The following OTUD3 variants were observed in gnomAD, a reference collection of about 807,000 sequenced individuals.
The protein encoded by OTUD3 is OTU domain-containing protein 3.
Under a neutral mutation model 46.2 loss-of-function variants are expected in OTUD3, and 24 were observed. The ratio of observed to expected loss-of-function variants is 0.52; its 90% CI spans 0.38 to 0.73. OTUD3 has a LOEUF of 0.73. Ranked by LOEUF, OTUD3 falls within the 30% of genes least tolerant of loss-of-function variation. The pLI is 0.00. For missense variants in OTUD3, 455 were observed against 523.3 expected (o/e 0.87, Z 1.27); for synonymous variants, 189 against 195.4 (o/e 0.97, Z 0.27).
intron 3 of OTUD3, among the ~76,000 whole-genome samples, chr1:19,895,510 A>G (rs1483433538): frequency 6.6e-6 from 1 of 152,202 alleles, no homozygotes; most frequent in East Asian, 1.9e-4. Flanking sequence ...CCTTTCCAGA[A>G]TGTCATATTA....
Position 19,908,929 on chromosome 1 carries a change from T to C in OTUD3, c.*1183T>C, listed in dbSNP as rs924290822. On this transcript the variant is annotated 3_prime_UTR_variant, in exon 8 of 8. Coordinates refer to ENST00000375120, the MANE Select transcript of OTUD3 (RefSeq NM_015207.2). ...GACCAGCAGAGAAGAGAACATACTTTGGTTGAGGCCTTCGAATCACTCTTC... is the reference window on the plus strand; with the variant it reads ...GACCAGCAGAGAAGAGAACATACTTCGGTTGAGGCCTTCGAATCACTCTTC... 60 of 152,382 alleles carry C rather than the reference T, an allele frequency of 3.9e-4. No individual in the cohort carries two copies. The highest frequency in any genetic ancestry group is 1.4e-3 in the African/African-American group (56 of 41,464). The allele number at this position is 152,382 out of a possible 1,614,324, so 9.4% of individuals were successfully genotyped here.
intron 2 of OTUD3, among the ~76,000 whole-genome samples, chr1:19,891,720 G>A (rs2045448934): frequency 6.6e-6 from 1 of 151,620 alleles, no homozygotes; most frequent in African/African-American, 2.4e-5. Flanking sequence ...TGGGAGAAAA[G>A]GTATCAGTGA....
chr1:19,906,417 G>A lies in OTUD3; in HGVS notation c.836-15G>A, dbSNP rs750327121. 3 of 1,611,758 alleles carry A rather than the reference G, an allele frequency of 1.9e-6. No homozygotes were observed. The highest frequency in any genetic ancestry group is 4.5e-5 in the East Asian group (2 of 44,846). ...CTCAGGTTCTCAGTTTTAATGAAAT[G>A]TCTTTCTTTGGAAGATGCAGAAGAG... is the stretch of plus-strand genomic sequence containing the variant. On this transcript the variant is annotated splice_polypyrimidine_tract_variant and intron_variant, in intron 6 of 7. Transcript: ENST00000375120.
rs1246562560 is a variant in OTUD3 at position 19,911,960 on chromosome 1, G to A, written c.*4214G>A. ...TCAGGCTCTGACCTATGTCTTTGAAGCAGCTGCTTTGTAGAGTCCCTCTCT... is the reference window on the plus strand; with the variant it reads ...TCAGGCTCTGACCTATGTCTTTGAAACAGCTGCTTTGTAGAGTCCCTCTCT... On this transcript the variant is annotated 3_prime_UTR_variant, in exon 8 of 8. Coordinates refer to ENST00000375120, the MANE Select transcript of OTUD3 (RefSeq NM_015207.2). The A allele has an allele frequency of 6.6e-6, 1 of 152,350 alleles. No homozygotes were observed. Among genetic ancestry groups the A allele is most frequent in the African/African-American group, 2.4e-5 (1 of 41,448 alleles). The allele number at this position is 152,350 out of a possible 1,614,324, so 9.4% of individuals were successfully genotyped here. A position where few individuals can be genotyped will look rare whatever the true frequency, so the allele number is the denominator to read the frequency against.
In OTUD3 at chr1:19,908,263, A is replaced by G. The variant is rs1404210648; in HGVS notation, c.*517A>G. On this transcript the variant is annotated 3_prime_UTR_variant, in exon 8 of 8. Coordinates refer to ENST00000375120, the MANE Select transcript of OTUD3 (RefSeq NM_015207.2). ...CTTTGATTTACTTCTAATCCAAGTT[A>G]CTCAGAAAATAATTCAGGAATTGTT... 1 of 152,396 alleles carries G rather than the reference A, an allele frequency of 6.6e-6. No individual in the cohort carries two copies. The highest frequency in any genetic ancestry group is 1.5e-5 in the Non-Finnish European group (1 of 68,064). 9.4% of individuals were successfully genotyped at this position (152,396 alleles called of 1,614,324 possible).
chr1:19,901,906 C>T (rs1197470327), intron 4 of OTUD3, among the ~76,000 whole-genome samples: 2 of 152,132 alleles, frequency 1.3e-5, no homozygotes, highest in East Asian at 1.9e-4. Context: ...TTTGTGCACC[C>T]ATTCATCTGT....
At chr1:19,906,395 A>G in intron 6 of OTUD3, 37 bp from the exon 7 acceptor site, 1 of 1,593,862 alleles carries the variant, frequency 6.3e-7, no homozygotes, top group Non-Finnish European at 8.6e-7. Context: ...TGTAACTCTC[A>G]GGTTCTCAGT....
intron 3 of OTUD3, among the ~76,000 whole-genome samples, chr1:19,895,995 T>C (rs1041054217): frequency 7.2e-5 from 11 of 152,310 alleles, no homozygotes; most frequent in African/African-American, 2.6e-4. Flanking sequence ...TTTTTGAATT[T>C]ATTTCTGTAG....
At chr1:19,892,478 A>G (rs764881015) in intron 2 of OTUD3, among the ~76,000 whole-genome samples, 1 of 152,148 alleles carries the variant, frequency 6.6e-6, no homozygotes, top group Non-Finnish European at 1.5e-5. Context: ...GGTTCACTAT[A>G]CTATTAAGGA....
Position 19,882,445 on chromosome 1 carries a change from A to G in OTUD3, c.-69A>G. On this transcript the variant is annotated 5_prime_UTR_variant, in exon 1 of 8. Coordinates refer to ENST00000375120, the MANE Select transcript of OTUD3 (RefSeq NM_015207.2). ...TTGCCCGCGCTGTTTTACCTTCCCA[A>G]CGCTTGAGGCGGACGCTGGGGGGTC... is the stretch of plus-strand genomic sequence containing the variant. 7.6e-7 allele frequency: 1 copy of G among 1,314,940 alleles called. No individual in the cohort carries two copies. Among genetic ancestry groups the G allele is most frequent in the East Asian group, 3.1e-5 (1 of 32,140 alleles). 81.5% of individuals were successfully genotyped at this position (1,314,940 alleles called of 1,614,324 possible).
intron 2 of OTUD3, among the ~76,000 whole-genome samples, chr1:19,892,628 C>T (rs1366572830): frequency 6.6e-6 from 1 of 152,132 alleles, no homozygotes; most frequent in Non-Finnish European, 1.5e-5. Context: ...GCTTATCTTC[C>T]TCCCTTCTCT....
At position 19,882,672 on chromosome 1, in the gene OTUD3, C is replaced by A. The variant is rs2045286793; in HGVS notation, c.159C>A (p.Phe53Leu). The A allele has an allele frequency of 2.1e-6, 3 of 1,457,588 alleles. No homozygotes were observed. The highest frequency in any genetic ancestry group is 2.7e-5 in the South Asian group (2 of 73,980). 90.3% of individuals were successfully genotyped at this position (1,457,588 alleles called of 1,614,324 possible). A position where few individuals can be genotyped will look rare whatever the true frequency, so the allele number is the denominator to read the frequency against. ...SGGGGGCEEE[F>L]VSFANQLQAL... ...GCGGCGGCGGCTGCGAGGAGGAGTT[C>A]GTCAGCTTCGCCAACCAGCTGCAGG... Residue 53 changes from phenylalanine to leucine, a missense_variant, in exon 1 of 8, where the codon TTC becomes TTA. Coordinates refer to ENST00000375120, the MANE Select transcript of OTUD3 (RefSeq NM_015207.2).
In OTUD3 at chr1:19,907,605, G is replaced by T. The variant is rs1406640367; in HGVS notation, c.1056G>T (p.Met352Ile). 6.8e-6 allele frequency: 11 copies of T among 1,614,038 alleles called. No individual in the cohort carries two copies. In the African/African-American group the frequency reaches 8.0e-5, roughly 12 times the overall value. Residue 352 changes from methionine to isoleucine, a missense_variant, in exon 8 of 8, where the codon ATG becomes ATT. Physicochemically the swap from Met to Ile is conservative, Grantham distance 10. Coordinates refer to ENST00000375120, the MANE Select transcript of OTUD3 (RefSeq NM_015207.2). ...TNKQRREQQW[M>I]EKKKRQEERH... ...AACAGAGGCGAGAACAGCAGTGGAT[G>T]GAGAAGAAGAAGCGGCAGGAGGAGA...
intron 1 of OTUD3, among the ~76,000 whole-genome samples, chr1:19,885,196 C>T (rs1418076809): frequency 6.6e-6 from 1 of 152,144 alleles, no homozygotes; most frequent in East Asian, 1.9e-4. Flanking sequence ...CAGAAACCAG[C>T]TTGACTGGAG....
At chr1:19,900,904 G>GTTT (rs1313225968) in intron 4 of OTUD3, among the ~76,000 whole-genome samples, 18 of 129,976 alleles carry the variant, frequency 1.4e-4, no homozygotes, top group African/African-American at 3.4e-4. Flanking sequence ...TCCTATTGAG[G>GTTT]TTTTTTTTTT....
chr1:19,900,701 C>G (rs2045574673), intron 4 of OTUD3, among the ~76,000 whole-genome samples: 1 of 151,914 alleles, frequency 6.6e-6, no homozygotes, highest in Non-Finnish European at 1.5e-5. Context: ...GGGTCTATTC[C>G]TAGACATTTG....
At chr1:19,901,797 C>A (rs558072262) in intron 4 of OTUD3, among the ~76,000 whole-genome samples, 1 of 152,274 alleles carries the variant, frequency 6.6e-6, no homozygotes, top group African/African-American at 2.4e-5. Context: ...TTCTTTCCCT[C>A]AGTATAATGT....
intron 2 of OTUD3, 144 bp downstream of exon 2, chr1:19,890,677 T>G (rs2045434082): frequency 6.3e-6 from 5 of 789,784 alleles, no homozygotes; most frequent in Non-Finnish European, 1.1e-5. Context: ...TTTGCCTACT[T>G]GGTTATCGGC....
At chr1:19,893,125 C>T (rs377436742) in intron 2 of OTUD3, among the ~76,000 whole-genome samples, 1 of 152,158 alleles carries the variant, frequency 6.6e-6, no homozygotes, top group African/African-American at 2.4e-5. Flanking sequence ...TCCTCTGATA[C>T]ACCTTACCTC....
Sources: gnomAD v4.1 joint callset for allele counts (sites outside exome capture counted in the v4.1 genomes callset) on GRCh38, gnomAD v4.1.1 for gene constraint, MANE v1.5 for transcripts, NCBI Gene and HGNC (gene_info 2026-07-23, HGNC 2026-07-21) for gene names.